CDH7: variants seen among roughly 807,000 people sequenced by gnomAD.
CDH7 encodes cadherin 7, also known as cadherin-7.
CDH7 carries 25 observed loss-of-function variants against 71.8 expected under a neutral mutation model. The observed-to-expected ratio is 0.35, with a 90% CI of 0.25 to 0.49. The LOEUF (loss-of-function observed/expected upper bound fraction) is 0.49. Ranked by LOEUF, CDH7 falls within the 20% of genes least tolerant of loss-of-function variation. CDH7 has a pLI of 0.99. For synonymous variants in CDH7, 381 were observed against 363.8 expected (o/e 1.05, Z -0.54); for missense variants, 862 against 974.6 (o/e 0.88, Z 1.54).
At chr18:65,863,969 A>G (rs1322508888) in intron 11 of CDH7, 1 of 152,218 alleles carries the variant, frequency 6.6e-6, no homozygotes, top group Admixed American at 6.5e-5. Flanking sequence ...TGAATGTTCA[A>G]TAAATTTTAA....
intron 2 of CDH7, chr18:65,803,232 T>C (rs1275746655): frequency 2.0e-5 from 3 of 152,118 alleles, no homozygotes; most frequent in Non-Finnish European, 4.4e-5. Context: ...GACCTTCCAA[T>C]TGGGCCACTC....
In CDH7 at chr18:65,763,240, A is replaced by G. The variant is rs963116157; in HGVS notation, c.210+188A>G. Among the ~76,000 whole-genome samples the G allele has an allele frequency of 2.6e-5, 4 of 152,226 alleles. No individual in the cohort carries two copies. In the South Asian group the frequency reaches 8.3e-4, roughly 31 times the overall value. On this transcript the variant is annotated intron_variant, in intron 2 of 11. Coordinates refer to ENST00000397968, the MANE Select transcript of CDH7 (RefSeq NM_004361.5). The stretch of plus-strand genomic sequence containing the variant: ...ACTGCGAAGTTGCAATCAAGGTATA[A>G]TATTCATTACAGTGAAACTGTATAT...
At chr18:65,762,422 A>T (rs188728394) in intron 1 of CDH7, among the ~76,000 whole-genome samples, 1 of 152,350 alleles carries the variant, frequency 6.6e-6, no homozygotes, top group African/African-American at 2.4e-5. Context: ...TTATGAAATG[A>T]AGATAGTTCT....
chr18:65,805,694 G>A (rs1329438687), intron 2 of CDH7, among the ~76,000 whole-genome samples: 3 of 152,176 alleles, frequency 2.0e-5, no homozygotes, highest in African/African-American at 7.2e-5. Context: ...GGGAAGCTCC[G>A]GGCCATGCCC....
chr18:65,778,529 C>CTTTTT lies in CDH7; in HGVS notation c.210+15493_210+15497dup, dbSNP rs1156727313. Among the ~76,000 whole-genome samples the CTTTTT allele has an allele frequency of 8.3e-5, 7 of 84,316 alleles. 1 individual carries two copies. The highest frequency in any genetic ancestry group is 1.3e-4 in the African/African-American group (3 of 22,620). The allele number at this position is 84,316 out of a possible 152,430, so 55.3% of individuals were successfully genotyped here. A position where few individuals can be genotyped will look rare whatever the true frequency, so the allele number is the denominator to read the frequency against. On this transcript the variant is annotated intron_variant, in intron 2 of 11. Coordinates refer to ENST00000397968, the MANE Select transcript of CDH7 (RefSeq NM_004361.5). The stretch of plus-strand genomic sequence containing the variant: ...AATTTTTTGCCCCAGGCGTCTCACT[C>CTTTTT]TTTTTTTTTTTTTTTTTTTTACATA...
At position 65,837,968 on chromosome 18, in the gene CDH7, G is replaced by A. The variant is rs1020196273; in HGVS notation, c.982-5844G>A. ...GAGACGATGTCTTGCTCTGTCGCCC[G>A]GGCTGGAGTGCAGTGGTACAATCTC... On this transcript the variant is annotated intron_variant, in intron 6 of 11. Transcript: ENST00000397968. Among the ~76,000 whole-genome samples the A allele has an allele frequency of 5.2e-5, 7 of 135,864 alleles. No homozygotes were observed. In the East Asian group the frequency reaches 6.9e-4, roughly 13 times the overall value. The allele number at this position is 135,864 out of a possible 152,430, so 89.1% of individuals were successfully genotyped here.
chr18:65,849,706 C>T (rs1274615805), intron 7 of CDH7, among the ~76,000 whole-genome samples: 1 of 151,904 alleles, frequency 6.6e-6, no homozygotes, highest in Non-Finnish European at 1.5e-5. Context: ...AGCCACCACC[C>T]CCGGCCCATT....
chr18:65,764,240 A>T (rs59123596), intron 2 of CDH7, among the ~76,000 whole-genome samples: 3,423 of 152,044 alleles, frequency 0.023, 120 homozygotes, highest in African/African-American at 0.078. Flanking sequence ...GGTAATTTGT[A>T]TTATATTTAT....
chr18:65,857,360 AT>A (rs1913402792), intron 7 of CDH7, among the ~76,000 whole-genome samples: 1 of 116,200 alleles, frequency 8.6e-6, no homozygotes. Flanking sequence ...AATAATAATA[AT>A]AAAATAGCCA....
chr18:65,762,851 G>T lies in CDH7; in HGVS notation c.9G>T (p.Leu3Phe). 6.2e-7 allele frequency: 1 copy of T among 1,607,892 alleles called. No individual in the cohort carries two copies. Among genetic ancestry groups the T allele is most frequent in the South Asian group, 1.1e-5 (1 of 89,192 alleles). Residue 3 changes from leucine (L) to phenylalanine (F), a missense_variant, in exon 2 of 12, where the codon TTG (leucine) becomes TTT (phenylalanine). Leu to Phe is a conservative substitution (Grantham distance 22, BLOSUM62 0). Coordinates refer to ENST00000397968, the MANE Select transcript of CDH7 (RefSeq NM_004361.5). ...AGAAAGAAAAAAAAAAGATGAAGTTGGGCAAAGTGGAGTTCTGCCATTTTC... is the reference window on the plus strand; with the variant it reads ...AGAAAGAAAAAAAAAAGATGAAGTTTGGCAAAGTGGAGTTCTGCCATTTTC... MK[L>F]GKVEFCHFLQ...
intron 11 of CDH7, among the ~76,000 whole-genome samples, chr18:65,871,039 CAGTT>C (rs1196447658): frequency 2.0e-5 from 3 of 152,100 alleles, no homozygotes; most frequent in South Asian, 2.1e-4. Flanking sequence ...ATTCTACCGT[CAGTT>C]AGATAGAATA....
chr18:65,756,080 G>T (rs1450094467), intron 1 of CDH7, among the ~76,000 whole-genome samples: 3 of 152,128 alleles, frequency 2.0e-5, no homozygotes, highest in Admixed American at 6.5e-5. Flanking sequence ...CCTTGCTGTG[G>T]AATGGTGTCA....
chr18:65,835,531 G>A (rs978993880), intron 6 of CDH7, among the ~76,000 whole-genome samples: 3 of 152,138 alleles, frequency 2.0e-5, no homozygotes, highest in Non-Finnish European at 4.4e-5. Context: ...TTGATGAAGC[G>A]TTCCAGGAAA....
chr18:65,824,859 C>A, intron 6 of CDH7, 28 bp downstream of exon 6: 3 of 1,486,414 alleles, frequency 2.0e-6, no homozygotes, highest in South Asian at 2.5e-5. Flanking sequence ...TATCTTTTAT[C>A]ACAGATTACT....
chr18:65,823,904 C>T (rs1912030610), intron 5 of CDH7, among the ~76,000 whole-genome samples: 1 of 151,850 alleles, frequency 6.6e-6, no homozygotes, highest in African/African-American at 2.4e-5. Flanking sequence ...GGTGTTTCGT[C>T]ATTTCTGAGT....
At chr18:65,821,893 C>T (rs1394477607) in intron 4 of CDH7, among the ~76,000 whole-genome samples, 188 bp from the exon 5 acceptor site, 1 of 152,050 alleles carries the variant, frequency 6.6e-6, no homozygotes, top group Non-Finnish European at 1.5e-5. Flanking sequence ...ATAATGTTTT[C>T]TCTGTTTTGT....
At chr18:65,782,107 C>CTTCTTTCTTTCTTTCTTTCTTTCT (rs745442687) in intron 2 of CDH7, among the ~76,000 whole-genome samples, 9 of 25,236 alleles carry the variant, frequency 3.6e-4, no homozygotes, top group Non-Finnish European at 4.8e-4. Context: ...TCCTTCCTTC[C>CTTCTTTCTTTCTTTCTTTCTTTCT]TTCTTTCTTT....
rs562613248 is a variant in CDH7 at position 65,825,610 on chromosome 18, T to C, written c.981+779T>C. On this transcript the variant is annotated intron_variant, in intron 6 of 11. Transcript: ENST00000397968. ...AAACATTAAAAATATATCAATATCT[T>C]GACCCCTAAGATACGAAATTTTTTG... Among the ~76,000 whole-genome samples, 396 of 151,978 alleles carry C rather than the reference T, an allele frequency of 2.6e-3. 1 individual carries two copies. The highest frequency in any genetic ancestry group is 4.5e-3 in the Non-Finnish European group (304 of 67,772).
At chr18:65,878,160 A>G (rs1033990004) in intron 11 of CDH7, among the ~76,000 whole-genome samples, 1 of 152,134 alleles carries the variant, frequency 6.6e-6, no homozygotes, top group African/African-American at 2.4e-5. Context: ...TTCTCACTAT[A>G]CCACCTTTCC....
Sources: allele counts gnomAD v4.1 joint callset (sites outside exome capture counted in the v4.1 genomes callset), GRCh38; gene constraint gnomAD v4.1.1; transcripts MANE v1.5; gene names NCBI Gene and HGNC (gene_info 2026-07-23, HGNC 2026-07-21).